The following XPO1 variants were observed in gnomAD, a reference collection of about 807,000 sequenced individuals.
XPO1 encodes the protein exportin-1.
Under a neutral mutation model 133.3 loss-of-function variants are expected in XPO1, and 5 were observed. The ratio of observed to expected loss-of-function variants is 0.04; its 90% CI spans 0.02 to 0.08. The LOEUF (loss-of-function observed/expected upper bound fraction) is 0.08, where lower values mean the gene tolerates loss of function less well. XPO1 is among the 10% of genes least tolerant of loss of function. The pLI is 1.00. For missense variants in XPO1, 506 were observed against 1,267.5 expected (o/e 0.40, Z 9.12); for synonymous variants, 419 against 408.2 (o/e 1.03, Z -0.32).
At chr2:61,535,989 T>C (rs991537972) in intron 1 of XPO1, among the ~76,000 whole-genome samples, 4 of 152,230 alleles carry the variant, frequency 2.6e-5, no homozygotes, top group African/African-American at 4.8e-5. Context: ...CGGTTAAATA[T>C]TGAACAAACT....
chr2:61,509,767 G>A (rs1259395363), intron 4 of XPO1, among the ~76,000 whole-genome samples: 1 of 152,152 alleles, frequency 6.6e-6, no homozygotes, highest in African/African-American at 2.4e-5. Context: ...TTTCCAGCAA[G>A]AGGCAGTCAA....
chr2:61,535,713 T>C (rs952652284), intron 1 of XPO1, among the ~76,000 whole-genome samples: 1 of 152,214 alleles, frequency 6.6e-6, no homozygotes, highest in African/African-American at 2.4e-5. Flanking sequence ...GGTCCATTAT[T>C]GACAAAACTG....
intron 6 of XPO1, among the ~76,000 whole-genome samples, chr2:61,501,721 CAAAA>C (rs34659499): frequency 2.7e-5 from 3 of 111,436 alleles, no homozygotes; most frequent in Non-Finnish European, 3.6e-5. Context: ...AGACTGTCTC[CAAAA>C]AAAAAAAAAA....
chr2:61,519,864 C>T (rs769046396), intron 4 of XPO1, among the ~76,000 whole-genome samples: 5 of 152,026 alleles, frequency 3.3e-5, no homozygotes, highest in Non-Finnish European at 5.9e-5. Context: ...ATATACCAGG[C>T]ATTTCTTTCC....
Position 61,483,926 on chromosome 2 carries a change from C to A in XPO1, c.2677+11G>T, listed in dbSNP as rs1237982935. The stretch of plus-strand genomic sequence containing the variant: ...GGCAGGCAAATGAATAAAAGAACAT[C>A]TTTTATTTACCCGTATCTGCGACAT... On this transcript the variant is annotated intron_variant, in intron 21 of 24. Coordinates refer to ENST00000401558, the MANE Select transcript of XPO1 (RefSeq NM_003400.4). The A allele has an allele frequency of 6.2e-7, 1 of 1,608,914 alleles. No individual in the cohort carries two copies. Among genetic ancestry groups the A allele is most frequent in the Non-Finnish European group, 8.5e-7 (1 of 1,178,572 alleles).
intron 4 of XPO1, among the ~76,000 whole-genome samples, chr2:61,509,150 C>T (rs918444280): frequency 4.6e-5 from 7 of 151,770 alleles, no homozygotes; most frequent in Admixed American, 2.0e-4. Context: ...TACAGGTGCC[C>T]GTCACCACGC....
At chr2:61,527,253 T>G (rs974479409) in intron 2 of XPO1, among the ~76,000 whole-genome samples, 1 of 144,978 alleles carries the variant, frequency 6.9e-6, no homozygotes, top group Non-Finnish European at 1.5e-5. Flanking sequence ...GAGGACCACT[T>G]GAGGCCAGGG....
chr2:61,479,455 C>CAAA (rs11439788), intron 24 of XPO1, among the ~76,000 whole-genome samples: 57 of 150,674 alleles, frequency 3.8e-4, no homozygotes, highest in Admixed American at 9.9e-4. Context: ...TGTGCCCCCC[C>CAAA]AAAAAAAACA....
intron 2 of XPO1, among the ~76,000 whole-genome samples, chr2:61,533,136 G>A (rs1479837867): frequency 3.3e-5 from 5 of 152,132 alleles, no homozygotes; most frequent in East Asian, 1.9e-4. Context: ...CTGAGATAGC[G>A]CCACTGCACT....
intron 4 of XPO1, chr2:61,502,620 G>A (rs570296370): frequency 4.4e-6 from 1 of 226,218 alleles, no homozygotes; most frequent in African/African-American, 2.3e-5. Flanking sequence ...GGGCGTGGTG[G>A]CGGGTGCCTG....
chr2:61,506,158 C>T (rs535121084), intron 4 of XPO1, among the ~76,000 whole-genome samples: 16 of 152,292 alleles, frequency 1.1e-4, no homozygotes, highest in Admixed American at 8.5e-4. Context: ...GGATGGCTCA[C>T]GCCTGTAATC....
At chr2:61,506,239 G>A (rs1465734757) in intron 4 of XPO1, among the ~76,000 whole-genome samples, 1 of 152,124 alleles carries the variant, frequency 6.6e-6, no homozygotes, top group Non-Finnish European at 1.5e-5. Flanking sequence ...TGGCCAACAT[G>A]GTGAAACCCT....
intron 20 of XPO1, 138 bp downstream of exon 20, chr2:61,485,630 T>C: frequency 1.2e-6 from 1 of 816,556 alleles, no homozygotes; most frequent in Non-Finnish European, 1.8e-6. Context: ...ACCAAGAAAG[T>C]ATTTCCCTAA....
At chr2:61,497,233 T>G (rs1480087680) in intron 9 of XPO1, among the ~76,000 whole-genome samples, 1 of 152,170 alleles carries the variant, frequency 6.6e-6, no homozygotes, top group African/African-American at 2.4e-5. Context: ...TTTTGTTTTT[T>G]TGAGACAGAG....
In XPO1 at chr2:61,492,313, A is replaced by T; in HGVS notation, c.1723+12T>A. 6.3e-7 allele frequency: 1 copy of T among 1,583,790 alleles called. No individual in the cohort carries two copies. Among genetic ancestry groups the T allele is most frequent in the Non-Finnish European group, 8.5e-7 (1 of 1,172,016 alleles). On this transcript the variant is annotated intron_variant, in intron 15 of 24. Coordinates refer to ENST00000401558, the MANE Select transcript of XPO1 (RefSeq NM_003400.4). The surrounding 1 kb of genome is among the most constrained non-coding windows in gnomAD (Gnocchi z 5.6). ...AAAATAAAAGCAAAATATAGTAAAG[A>T]AAGAGATTTACCATGCATGAATTCG...
At chr2:61,488,867 C>T (rs1696820722) in intron 17 of XPO1, 96 bp from the exon 18 acceptor site, 13 of 1,325,154 alleles carry the variant, frequency 9.8e-6, no homozygotes, top group Non-Finnish European at 1.4e-5. Context: ...TCTGAGAGGC[C>T]GAGGCGGGCG....
chr2:61,508,905 T>C (rs752875468), intron 4 of XPO1, among the ~76,000 whole-genome samples: 5 of 152,196 alleles, frequency 3.3e-5, no homozygotes, highest in East Asian at 1.9e-4. Flanking sequence ...TGGGAGTCCA[T>C]GTTACATATT....
chr2:61,533,160 C>G (rs1296798867), intron 2 of XPO1, among the ~76,000 whole-genome samples: 2 of 152,220 alleles, frequency 1.3e-5, no homozygotes, highest in Non-Finnish European at 2.9e-5. Context: ...GCCTGGACCA[C>G]AGAGCGAGAC....
Position 61,478,817 on chromosome 2 carries a change from A to G in XPO1, c.*3T>C, listed in dbSNP as rs1185275654. On this transcript the variant is annotated 3_prime_UTR_variant, in exon 25 of 25. Transcript: ENST00000401558. ...GAGAAAAAAAACAGCATGAATTTGG[A>G]TTTTAATCACACATTTCTTCTGGAA... 5.0e-6 allele frequency: 8 copies of G among 1,612,994 alleles called. No individual in the cohort carries two copies. The highest frequency in any genetic ancestry group is 1.7e-4 in the Middle Eastern group (1 of 6,060).
Sources: gnomAD v4.1 joint callset for allele counts (sites outside exome capture counted in the v4.1 genomes callset) on GRCh38, gnomAD v4.1.1 for gene constraint, Gnocchi (gnomAD v3.1) non-coding constraint, MANE v1.5 for transcripts, NCBI Gene and HGNC (gene_info 2026-07-23, HGNC 2026-07-21) for gene names.